Variants in PPM1H observed in about 807,000 individuals in gnomAD.
PPM1H encodes protein phosphatase 1H.
A neutral mutation model predicts 54.9 loss-of-function variants in PPM1H; 27 were observed. The ratio of observed to expected loss-of-function variants is 0.49; its 90% CI spans 0.36 to 0.68. The LOEUF is 0.68. Among genes scored for constraint, PPM1H ranks in the 30% least tolerant of loss-of-function variants. The pLI, the probability that PPM1H is intolerant of heterozygous loss-of-function variation, is 0.00. For synonymous variants in PPM1H, 305 were observed against 270.8 expected, an observed-to-expected ratio of 1.13 and a Z score of -1.24; for missense variants, 596 against 667.8, an observed-to-expected ratio of 0.89 and a Z score of 1.19.
At chr12:62,839,188 A>T (rs1011254163) in intron 1 of PPM1H, among the ~76,000 whole-genome samples, 2 of 152,148 alleles carry the variant, frequency 1.3e-5, no homozygotes, top group African/African-American at 4.8e-5. Flanking sequence ...ATGTAAAGGC[A>T]GAATAAACAC....
intron 1 of PPM1H, among the ~76,000 whole-genome samples, chr12:62,879,201 TC>T (rs767612493): frequency 1.1e-4 from 17 of 152,190 alleles, no homozygotes; most frequent in Admixed American, 2.6e-4. Flanking sequence ...TTCTCTATCC[TC>T]CTCTGGAGGC....
rs185610850 is a variant in PPM1H, at chr12:62,729,521, C to T, written c.954+7981G>A. 1.1e-3 allele frequency among the ~76,000 whole-genome samples: 167 copies of T among 152,340 alleles called. 2 individuals are homozygous for T. The Middle Eastern group carries it at 0.02, about 19-fold the overall frequency. ...TATGTGGTAAAGTGCTCTTCTCATA[C>T]GCATACAAGCTGATGAAGTTTCACA... On this transcript the variant is annotated intron_variant, in intron 5 of 9. Transcript: ENST00000228705.
At chr12:62,867,331 T>C (rs1869811949) in intron 1 of PPM1H, among the ~76,000 whole-genome samples, 2 of 152,126 alleles carry the variant, frequency 1.3e-5, no homozygotes, top group South Asian at 4.1e-4. Context: ...TGCTGAAAAT[T>C]CTATTTTACA....
intron 1 of PPM1H, among the ~76,000 whole-genome samples, chr12:62,906,630 G>C (rs189950833): frequency 6.6e-6 from 1 of 152,276 alleles, no homozygotes; most frequent in Non-Finnish European, 1.5e-5. Flanking sequence ...GGAGTAAACT[G>C]TATTTCTCCA....
At chr12:62,890,749 CACACACAT>C (rs1469396654) in intron 1 of PPM1H, among the ~76,000 whole-genome samples, 20 of 140,378 alleles carry the variant, frequency 1.4e-4, no homozygotes, top group Non-Finnish European at 1.8e-4. Context: ...CACACACACA[CACACACAT>C]ATATATATAT....
rs1047179788 is a variant in PPM1H at position 62,831,939 on chromosome 12, G to A, written c.411+175C>T. Among the ~76,000 whole-genome samples the A allele has an allele frequency of 6.6e-5, 10 of 151,562 alleles. 1 individual carries two copies. The highest frequency in any genetic ancestry group is 3.4e-3 in the Middle Eastern group (1 of 294). The stretch of plus-strand genomic sequence containing the variant: ...ACCACAAGCTGGTCATACATGTGTC[G>A]CCTTCAGCTTGGTATGTGTGATGTC... On this transcript the variant is annotated intron_variant, in intron 2 of 9. Coordinates refer to ENST00000228705, the MANE Select transcript of PPM1H (RefSeq NM_020700.2).
intron 5 of PPM1H, among the ~76,000 whole-genome samples, chr12:62,731,154 G>T: frequency 6.6e-6 from 1 of 152,058 alleles, no homozygotes; most frequent in African/African-American, 2.4e-5. Context: ...ATTGTAAACA[G>T]AAAAAAATGC....
intron 6 of PPM1H, among the ~76,000 whole-genome samples, chr12:62,694,643 A>G (rs1394969711): frequency 6.6e-6 from 1 of 152,220 alleles, no homozygotes; most frequent in Non-Finnish European, 1.5e-5. Flanking sequence ...GACAGAGCTG[A>G]TGAAGACCAT....
At chr12:62,760,058 T>TCAA (rs1201262450) in intron 4 of PPM1H, among the ~76,000 whole-genome samples, 2 of 152,160 alleles carry the variant, frequency 1.3e-5, no homozygotes, top group Non-Finnish European at 2.9e-5. Flanking sequence ...TAAAACCTCT[T>TCAA]CAACTCTAGC....
At chr12:62,830,712 T>A (rs1048816752) in intron 2 of PPM1H, among the ~76,000 whole-genome samples, 1 of 152,230 alleles carries the variant, frequency 6.6e-6, no homozygotes, top group African/African-American at 2.4e-5. Flanking sequence ...CAGCTCTGGT[T>A]GTTTGGAAAA....
chr12:62,666,597 G>C (rs574618650), intron 9 of PPM1H, among the ~76,000 whole-genome samples: 1 of 152,324 alleles, frequency 6.6e-6, no homozygotes, highest in South Asian at 2.1e-4. Flanking sequence ...GGATAGCTTA[G>C]AGGAAGTAAA....
intron 9 of PPM1H, among the ~76,000 whole-genome samples, chr12:62,657,005 G>A (rs1417031253): frequency 6.6e-6 from 1 of 152,142 alleles, no homozygotes; most frequent in Non-Finnish European, 1.5e-5. Flanking sequence ...TTCTTAAGCA[G>A]GTGAAGCTGC....
intron 1 of PPM1H, among the ~76,000 whole-genome samples, chr12:62,838,324 A>AGTGT (rs372368850): frequency 9.7e-5 from 11 of 113,728 alleles, no homozygotes; most frequent in African/African-American, 1.7e-4. Flanking sequence ...AGTAAAATAC[A>AGTGT]GTGTGTGTGT....
Position 62,934,908 on chromosome 12 carries a change from C to T in PPM1H, c.-172G>A. The T allele has an allele frequency of 2.0e-6, 1 of 500,210 alleles. No homozygotes were observed. Among genetic ancestry groups the T allele is most frequent in the Non-Finnish European group, 2.9e-6 (1 of 339,550 alleles). 31.0% of individuals were successfully genotyped at this position (500,210 alleles called of 1,614,324 possible). On this transcript the variant is annotated 5_prime_UTR_variant, in exon 1 of 10. Coordinates refer to ENST00000228705, the MANE Select transcript of PPM1H (RefSeq NM_020700.2). This position sits in a 1 kb window ranked among gnomAD's most constrained non-coding sequence, Gnocchi z 4.2. ...AGTGCTGCAGGGGGCCGAGCCCCGG[C>T]CTCTCGTGCTTAGTGCCGCGGTGGC...
intron 1 of PPM1H, among the ~76,000 whole-genome samples, chr12:62,918,360 T>C (rs1871687807): frequency 6.6e-6 from 1 of 152,190 alleles, no homozygotes; most frequent in African/African-American, 2.4e-5. Context: ...CTTTTGCCTC[T>C]TAAGACATGT....
intron 2 of PPM1H, among the ~76,000 whole-genome samples, chr12:62,818,951 G>T (rs1176739934): frequency 4.0e-5 from 6 of 148,992 alleles, no homozygotes; most frequent in Admixed American, 1.4e-4. Flanking sequence ...CTCCCAAGAA[G>T]CTGGGAATAC....
chr12:62,807,793 C>G (rs1041881736), intron 2 of PPM1H, among the ~76,000 whole-genome samples: 2 of 152,210 alleles, frequency 1.3e-5, no homozygotes, highest in African/African-American at 4.8e-5. Context: ...GTGTAAGAGA[C>G]TCTAAGGTCA....
At chr12:62,933,163 C>A (rs372272550) in intron 1 of PPM1H, among the ~76,000 whole-genome samples, 12 of 152,284 alleles carry the variant, frequency 7.9e-5, no homozygotes, top group African/African-American at 2.4e-4. Context: ...CCCATCAAAG[C>A]GCATTTCTGC....
At chr12:62,817,152 TAAAA>T (rs2076873724) in intron 2 of PPM1H, among the ~76,000 whole-genome samples, 40 of 63,118 alleles carry the variant, frequency 6.3e-4, no homozygotes, top group African/African-American at 2.9e-3. Context: ...AAAAAAAAAC[TAAAA>T]AAAAGAAAAA....
Sources: allele counts gnomAD v4.1 joint callset (sites outside exome capture counted in the v4.1 genomes callset), GRCh38; gene constraint gnomAD v4.1.1; non-coding constraint Gnocchi (gnomAD v3.1); transcripts MANE v1.5; gene names NCBI Gene and HGNC (gene_info 2026-07-23, HGNC 2026-07-21).